LDLRAD4: variants seen among roughly 807,000 people sequenced by gnomAD.
LDLRAD4 encodes the protein low-density lipoprotein receptor class A domain-containing protein 4.
In LDLRAD4, 5 loss-of-function variants were observed where a neutral mutation model predicts 17.0. The observed-to-expected ratio is 0.29, with a 90% CI of 0.15 to 0.62. The LOEUF (loss-of-function observed/expected upper bound fraction) is 0.62, where lower values mean the gene tolerates loss of function less well. Ranked by LOEUF, LDLRAD4 falls within the 20% of genes least tolerant of loss-of-function variation. The pLI, the probability that LDLRAD4 is intolerant of heterozygous loss-of-function variation, is 0.84. For missense variants in LDLRAD4, 340 were observed against 424.7 expected, an observed-to-expected ratio of 0.80 and a Z score of 1.75; for synonymous variants, 168 against 171.8, an observed-to-expected ratio of 0.98 and a Z score of 0.17.
At chr18:13,496,873 G>A (rs377659768) in intron 3 of LDLRAD4, among the ~76,000 whole-genome samples, 17 of 152,360 alleles carry the variant, frequency 1.1e-4, no homozygotes, top group African/African-American at 3.8e-4. Context: ...CAGCCAGCCC[G>A]AACCTGGGCA....
At chr18:13,576,868 G>A (rs908948058) in intron 3 of LDLRAD4, among the ~76,000 whole-genome samples, 16 of 152,354 alleles carry the variant, frequency 1.1e-4, no homozygotes, top group Admixed American at 7.8e-4. Context: ...CATGAGCTCC[G>A]CTCAGAGAAA....
At chr18:13,370,990 T>C (rs1375669777) in intron 1 of LDLRAD4, among the ~76,000 whole-genome samples, 1 of 152,174 alleles carries the variant, frequency 6.6e-6, no homozygotes, top group Non-Finnish European at 1.5e-5. Context: ...TTTATAGGCA[T>C]GAGCCACCAC....
intron 1 of LDLRAD4, among the ~76,000 whole-genome samples, chr18:13,289,131 T>C (rs1355346123): frequency 1.3e-5 from 2 of 152,234 alleles, no homozygotes; most frequent in African/African-American, 4.8e-5. Context: ...ATTTTCCACA[T>C]GGCTGTAAAG....
At chr18:13,417,636 G>A (rs367602342) in intron 2 of LDLRAD4, among the ~76,000 whole-genome samples, 307 of 152,160 alleles carry the variant, frequency 2.0e-3, no homozygotes, top group Admixed American at 6.2e-3. Flanking sequence ...GGGTTTCACC[G>A]TGTTAGCCAG....
intron 3 of LDLRAD4, among the ~76,000 whole-genome samples, chr18:13,575,156 G>C (rs1050159416): frequency 2.0e-5 from 3 of 152,202 alleles, no homozygotes; most frequent in Non-Finnish European, 4.4e-5. Flanking sequence ...TGATTTGTGA[G>C]ATTCTGGTGC....
chr18:13,635,019 A>C (rs986164357), intron 4 of LDLRAD4, among the ~76,000 whole-genome samples: 4 of 152,250 alleles, frequency 2.6e-5, no homozygotes, highest in Admixed American at 6.5e-5. Flanking sequence ...GGGGATCTGG[A>C]TAGCCACATG....
chr18:13,269,112 A>C (rs931210011), intron 1 of LDLRAD4, among the ~76,000 whole-genome samples: 10 of 152,252 alleles, frequency 6.6e-5, no homozygotes, highest in Non-Finnish European at 1.3e-4. Flanking sequence ...TGAAACCCAC[A>C]AGAATGAGGA....
chr18:13,513,042 G>A (rs950933386), intron 3 of LDLRAD4, among the ~76,000 whole-genome samples: 2 of 152,216 alleles, frequency 1.3e-5, no homozygotes, highest in Non-Finnish European at 2.9e-5. Flanking sequence ...TCCTTTAAAC[G>A]AATAAGGGTC....
chr18:13,502,092 G>C (rs947550778), intron 3 of LDLRAD4, among the ~76,000 whole-genome samples: 2 of 152,246 alleles, frequency 1.3e-5, no homozygotes, highest in Non-Finnish European at 2.9e-5. Context: ...CGTCACCAGA[G>C]TAGCAAATAC....
At chr18:13,462,833 A>G (rs1455765225) in intron 3 of LDLRAD4, among the ~76,000 whole-genome samples, 4 of 152,134 alleles carry the variant, frequency 2.6e-5, no homozygotes, top group Non-Finnish European at 5.9e-5. Context: ...ATGTAGCCAG[A>G]GAGGTTCAGC....
At chr18:13,611,855 A>G (rs2039594950) in intron 3 of LDLRAD4, 2 of 985,308 alleles carry the variant, frequency 2.0e-6, no homozygotes, top group Non-Finnish European at 2.4e-6. Flanking sequence ...GCCAGTACAG[A>G]GCTCGGTGGC....
intron 1 of LDLRAD4, among the ~76,000 whole-genome samples, chr18:13,226,786 A>G (rs1340967786): frequency 6.6e-6 from 1 of 152,110 alleles, no homozygotes; most frequent in African/African-American, 2.4e-5. Context: ...AGGTAGGTTC[A>G]GGGCAATAAA....
chr18:13,588,664 C>T (rs765466222), intron 3 of LDLRAD4, among the ~76,000 whole-genome samples: 4 of 151,916 alleles, frequency 2.6e-5, no homozygotes, highest in Non-Finnish European at 5.9e-5. Context: ...TGTTTTTGTA[C>T]GCAGCTTCCA....
chr18:13,292,567 C>T (rs1041530779), intron 1 of LDLRAD4, among the ~76,000 whole-genome samples: 5 of 152,126 alleles, frequency 3.3e-5, no homozygotes, highest in African/African-American at 1.2e-4. Flanking sequence ...TTTCTCAGGC[C>T]CAGTTCTGTC....
At chr18:13,475,635 A>G (rs919375001) in intron 3 of LDLRAD4, among the ~76,000 whole-genome samples, 2 of 151,714 alleles carry the variant, frequency 1.3e-5, no homozygotes, top group East Asian at 3.9e-4. Context: ...GTGCACACGG[A>G]CTCCCATTAC....
At chr18:13,371,390 C>T (rs973495530) in intron 1 of LDLRAD4, among the ~76,000 whole-genome samples, 5 of 152,184 alleles carry the variant, frequency 3.3e-5, no homozygotes, top group Non-Finnish European at 7.3e-5. Flanking sequence ...CCCTTGCCGC[C>T]GCGTTGCTGT....
chr18:13,611,391 C>G (rs572337147), intron 3 of LDLRAD4: 4 of 909,566 alleles, frequency 4.4e-6, no homozygotes, highest in Admixed American at 6.2e-5. Flanking sequence ...GCAGGCTGCC[C>G]TTTCCACCAC....
At chr18:13,643,272 T>C in intron 4 of LDLRAD4, 87 bp from the exon 6 acceptor site, 3 of 847,438 alleles carry the variant, frequency 3.5e-6, no homozygotes, top group Non-Finnish European at 3.7e-6. Flanking sequence ...TTCCAGAAGT[T>C]GTGCTTCATG....
intron 3 of LDLRAD4, among the ~76,000 whole-genome samples, chr18:13,538,530 A>G (rs1298549): frequency 1.4e-5 from 2 of 144,442 alleles, no homozygotes; most frequent in Non-Finnish European, 3.0e-5. Context: ...GATGTCTATG[A>G]TTTTTTTTTT....
Sources: gnomAD v4.1 joint callset for allele counts (sites outside exome capture counted in the v4.1 genomes callset) on GRCh38, gnomAD v4.1.1 for gene constraint, MANE v1.5 for transcripts, NCBI Gene and HGNC (gene_info 2026-07-23, HGNC 2026-07-21) for gene names.